BPTF: variants seen among roughly 807,000 people sequenced by gnomAD.
The protein encoded by BPTF is bromodomain PHD finger transcription factor.
In BPTF, 18 loss-of-function variants were observed where a neutral mutation model predicts 292.5. The ratio of observed to expected loss-of-function variants is 0.06; its 90% CI spans 0.04 to 0.09. BPTF has a LOEUF of 0.09. Among genes scored for constraint, BPTF ranks in the 10% least tolerant of loss-of-function variants. The pLI, the probability that BPTF is intolerant of heterozygous loss-of-function variation, is 1.00. For missense variants in BPTF, 2,726 were observed against 3,498.7 expected, an observed-to-expected ratio of 0.78 and a Z score of 5.57; for synonymous variants, 1,225 against 1,251.9, an observed-to-expected ratio of 0.98 and a Z score of 0.45.
intron 7 of BPTF, among the ~76,000 whole-genome samples, chr17:67,902,211 G>T (rs2061890811): frequency 2.0e-5 from 3 of 152,174 alleles, no homozygotes; most frequent in African/African-American, 7.2e-5. Context: ...TGAGCACCCT[G>T]CCCAGCTTTG....
rs552999507 is a variant in BPTF, at chr17:67,932,869, T to C, written c.6259+850T>C. Reference sequence around the variant, plus strand: ...CATAAAAAGAAAGAAAAGACAAGGATGGCCCTACTGATACTGGGCAGAATA... The same window carrying C: ...CATAAAAAGAAAGAAAAGACAAGGACGGCCCTACTGATACTGGGCAGAATA... On this transcript the variant is annotated intron_variant, in intron 18 of 27. Coordinates refer to ENST00000306378, the MANE Select transcript of BPTF (RefSeq NM_182641.4). 1.4e-4 allele frequency among the ~76,000 whole-genome samples: 22 copies of C among 152,098 alleles called. No homozygotes were observed. The South Asian group carries it at 2.7e-3, about 19-fold the overall frequency.
intron 11 of BPTF, among the ~76,000 whole-genome samples, chr17:67,918,100 T>C (rs1227509738): frequency 6.7e-6 from 1 of 148,242 alleles, no homozygotes; most frequent in African/African-American, 2.5e-5. Context: ...TGCCCGGCCC[T>C]AAGTTTTGTA....
intron 3 of BPTF, among the ~76,000 whole-genome samples, chr17:67,867,433 CT>C (rs2059454785): frequency 6.6e-6 from 1 of 152,174 alleles, no homozygotes; most frequent in South Asian, 2.1e-4. Context: ...TTGGTTGCCC[CT>C]GTTATTAAAG....
intron 9 of BPTF, among the ~76,000 whole-genome samples, chr17:67,907,139 G>C (rs538659441): frequency 1.4e-5 from 2 of 144,738 alleles, no homozygotes; most frequent in African/African-American, 5.1e-5. Context: ...GAGCTGAGAT[G>C]AACCCACTGT....
In BPTF at chr17:67,866,696, G is replaced by A. The variant is rs1598331186; in HGVS notation, c.1660+9G>A. The A allele has an allele frequency of 6.3e-7, 1 of 1,598,844 alleles. No homozygotes were observed. The highest frequency in any genetic ancestry group is 8.6e-7 in the Non-Finnish European group (1 of 1,168,968). On this transcript the variant is annotated intron_variant, in intron 3 of 27. Coordinates refer to ENST00000306378, the MANE Select transcript of BPTF (RefSeq NM_182641.4). ...TCTGGCGGCAGCTAATGGTGAGAGG[G>A]GCATTTTCTCATTTTATTTTTGTTA... is the stretch of plus-strand genomic sequence containing the variant.
chr17:67,916,765 C>CAAA (rs768285922), intron 11 of BPTF, among the ~76,000 whole-genome samples: 2,014 of 56,268 alleles, frequency 0.036, 99 homozygotes, highest in African/African-American at 0.11. Context: ...TACTCTGTCT[C>CAAA]AAAAAAAAAA....
chr17:67,977,366 T>C (rs2148636251), intron 27 of BPTF, among the ~76,000 whole-genome samples: 1 of 152,002 alleles, frequency 6.6e-6, no homozygotes, highest in South Asian at 2.1e-4. Flanking sequence ...AATACAAAAA[T>C]TAGGCAGGCA....
intron 23 of BPTF, 27 bp from the exon 24 acceptor site, chr17:67,959,514 T>A (rs782401207): frequency 1.3e-6 from 2 of 1,487,990 alleles, no homozygotes; most frequent in Non-Finnish European, 1.8e-6. Context: ...CTAATGATAG[T>A]CTTGTATTGT....
chr17:67,873,325 G>A (rs1191755728), intron 3 of BPTF, among the ~76,000 whole-genome samples: 1 of 151,910 alleles, frequency 6.6e-6, no homozygotes, highest in African/African-American at 2.4e-5. Context: ...GGGTGTGGTG[G>A]CAGGCGCCTG....
At chr17:67,915,480 T>C (rs2147033197) in intron 11 of BPTF, among the ~76,000 whole-genome samples, 1 of 152,334 alleles carries the variant, frequency 6.6e-6, no homozygotes, top group East Asian at 1.9e-4. Context: ...ACATACCCTT[T>C]AATGCTCTTC....
chr17:67,929,217 C>A, intron 16 of BPTF, 119 bp from the exon 17 acceptor site: 1 of 1,454,570 alleles, frequency 6.9e-7, no homozygotes, highest in Non-Finnish European at 9.1e-7. Context: ...TCGGATCTCA[C>A]ATTCTATGTA....
chr17:67,913,966 T>C (rs1016235748), intron 11 of BPTF, among the ~76,000 whole-genome samples: 2 of 152,244 alleles, frequency 1.3e-5, no homozygotes, highest in African/African-American at 4.8e-5. Flanking sequence ...CACATTTCAC[T>C]TATGTGTCCT....
intron 27 of BPTF, chr17:67,981,835 T>C (rs1237111619): frequency 3.8e-5 from 19 of 503,482 alleles, no homozygotes; most frequent in Non-Finnish European, 1.3e-5. Flanking sequence ...GCGTAATTTT[T>C]CCCTTTATAT....
chr17:67,844,906 G>T (rs1300839047), intron 1 of BPTF, among the ~76,000 whole-genome samples: 1 of 152,080 alleles, frequency 6.6e-6, no homozygotes, highest in Non-Finnish European at 1.5e-5. Flanking sequence ...ACCACGCCTG[G>T]CTAATTTTGT....
intron 4 of BPTF, 145 bp from the exon 5 acceptor site, chr17:67,891,699 A>T: frequency 2.1e-6 from 1 of 466,736 alleles, no homozygotes; most frequent in Non-Finnish European, 3.7e-6. Flanking sequence ...GAATAATGAT[A>T]CTTGCTTTGC....
chr17:67,968,843 G>T (rs571107409), intron 26 of BPTF, among the ~76,000 whole-genome samples: 2 of 150,996 alleles, frequency 1.3e-5, no homozygotes, highest in Non-Finnish European at 2.9e-5. Context: ...TTAGCCCGGC[G>T]TGGTGGCACA....
At chr17:67,916,369 CA>C (rs1207647749) in intron 11 of BPTF, among the ~76,000 whole-genome samples, 1 of 152,160 alleles carries the variant, frequency 6.6e-6, no homozygotes, top group Admixed American at 6.5e-5. Context: ...GCAGGTGGAT[CA>C]CCTGAGGTCA....
chr17:67,906,325 C>T (rs1350861127), intron 9 of BPTF, among the ~76,000 whole-genome samples: 1 of 151,996 alleles, frequency 6.6e-6, no homozygotes, highest in Non-Finnish European at 1.5e-5. Context: ...GTGATCTGCC[C>T]GCCTCGGCCT....
rs371607236 is a variant in BPTF at position 67,912,623 on chromosome 17, A to G, written c.4739A>G (p.Lys1580Arg). 1.2e-6 allele frequency: 2 copies of G among 1,613,046 alleles called. No homozygotes were observed. Among genetic ancestry groups the G allele is most frequent in the African/African-American group, 2.7e-5 (2 of 74,764 alleles). Residue 1580 changes from lysine (K) to arginine (R), a missense_variant, in exon 11 of 28, where the codon AAA becomes AGA. Lys to Arg is a conservative substitution (Grantham distance 26, BLOSUM62 2). This residue lies in a region of BPTF where 144 missense variants were observed against 177.2 expected (regional missense o/e 0.81). Coordinates refer to ENST00000306378, the MANE Select transcript of BPTF (RefSeq NM_182641.4). The stretch of plus-strand genomic sequence containing the variant: ...AATGAAAATGTCAATGGAGAATCTA[A>G]AAGAAAAACCGTCATCACAGAAGTC... Reference protein sequence around the residue: ...NKNENVNGESKRKTVITEVTT... With the variant: ...NKNENVNGESRRKTVITEVTT...
Sources: gnomAD v4.1 joint callset for allele counts (sites outside exome capture counted in the v4.1 genomes callset) on GRCh38, gnomAD v4.1.1 for gene constraint, gnomAD v4.1.1 regional missense constraint, MANE v1.5 for transcripts, NCBI Gene and HGNC (gene_info 2026-07-23, HGNC 2026-07-21) for gene names.